Variants in PKIG observed in about 807,000 individuals in gnomAD.
The protein encoded by PKIG is protein kinase (cAMP-dependent, catalytic) inhibitor gamma.
Under a neutral mutation model 6.8 loss-of-function variants are expected in PKIG, and 1 was observed. The observed-to-expected ratio is 0.15, with a 90% CI of 0.05 to 0.69. The LOEUF (loss-of-function observed/expected upper bound fraction) is 0.69, where lower values mean the gene tolerates loss of function less well. PKIG is among the 30% of genes least tolerant of loss of function. PKIG has a pLI of 0.82. For synonymous variants in PKIG, 39 were observed against 43.0 expected (o/e 0.91, Z 0.36); for missense variants, 77 against 104.0 (o/e 0.74, Z 1.13).
rs191810560 is a variant in PKIG, at chr20:44,600,996, C to G, written c.-24+11130C>G. Among the ~76,000 whole-genome samples, 958 of 152,186 alleles carry G rather than the reference C, an allele frequency of 6.3e-3. 10 individuals are homozygous for G. Among genetic ancestry groups the G allele is most frequent in the Non-Finnish European group, 0.01 (700 of 68,008 alleles). On this transcript the variant is annotated intron_variant, in intron 2 of 3. Coordinates refer to ENST00000372886, the MANE Select transcript of PKIG (RefSeq NM_001281445.2). Reference sequence around the variant, plus strand: ...GGAAAGGATAAGAGCCCCTCGGGAGCAAACAGAAGAGACTGGCGTCCTAAC... The same window carrying G: ...GGAAAGGATAAGAGCCCCTCGGGAGGAAACAGAAGAGACTGGCGTCCTAAC...
At chr20:44,535,969 G>C (rs1404296454) in intron 1 of PKIG, among the ~76,000 whole-genome samples, 1 of 152,006 alleles carries the variant, frequency 6.6e-6, no homozygotes, top group Non-Finnish European at 1.5e-5. Context: ...CCCCATTTCC[G>C]CCTCCCCACC....
At chr20:44,584,508 C>CA (rs1203960154) in intron 1 of PKIG, among the ~76,000 whole-genome samples, 4 of 144,640 alleles carry the variant, frequency 2.8e-5, no homozygotes, top group Non-Finnish European at 6.0e-5. Flanking sequence ...AAAAAAAAAG[C>CA]AAAAGACGTC....
chr20:44,541,775 G>A (rs372163635), intron 1 of PKIG, among the ~76,000 whole-genome samples: 78 of 147,062 alleles, frequency 5.3e-4, no homozygotes, highest in Admixed American at 1.1e-3. Context: ...CTGCAGCCTC[G>A]CCTCCCAGGT....
intron 1 of PKIG, among the ~76,000 whole-genome samples, chr20:44,570,646 A>G (rs575245906): frequency 3.0e-4 from 45 of 152,352 alleles, no homozygotes; most frequent in African/African-American, 1.1e-3. Flanking sequence ...TGCAGCACCT[A>G]GGAAGAATGG....
upstream of PKIG, among the ~76,000 whole-genome samples, chr20:44,579,900 C>G (rs931955159): frequency 2.6e-5 from 4 of 152,186 alleles, no homozygotes; most frequent in Non-Finnish European, 5.9e-5. Context: ...ACTCAGTCTT[C>G]TGGAATAAAG....
chr20:44,618,369 G>C lies in PKIG; in HGVS notation c.*5G>C. The C allele has an allele frequency of 6.2e-7, 1 of 1,602,440 alleles. No homozygotes were observed. The highest frequency in any genetic ancestry group is 1.7e-5 in the Admixed American group (1 of 60,000). On this transcript the variant is annotated 3_prime_UTR_variant, in exon 4 of 4. Coordinates refer to ENST00000372886, the MANE Select transcript of PKIG (RefSeq NM_001281445.2). The stretch of plus-strand genomic sequence containing the variant: ...GATGGGACCACCTCGTCTTGAATCT[G>C]ACCTTGTCCAAGAAGGCTGGACGAG...
At chr20:44,547,922 A>G (rs1404375029) in intron 1 of PKIG, among the ~76,000 whole-genome samples, 1 of 152,032 alleles carries the variant, frequency 6.6e-6, no homozygotes, top group African/African-American at 2.4e-5. Context: ...CATGACTTGT[A>G]ATTCCAGCAC....
At chr20:44,587,907 G>A (rs1381601814) in intron 1 of PKIG, among the ~76,000 whole-genome samples, 9 of 152,188 alleles carry the variant, frequency 5.9e-5, no homozygotes, top group South Asian at 4.1e-4. Flanking sequence ...TTTCCTGGAC[G>A]TGTGTGTAGA....
chr20:44,540,971 G>A (rs959876367), intron 1 of PKIG, among the ~76,000 whole-genome samples: 1 of 152,202 alleles, frequency 6.6e-6, no homozygotes, highest in Non-Finnish European at 1.5e-5. Flanking sequence ...GTAGGGCCTC[G>A]TCAGTATTAG....
chr20:44,576,560 AGAGTAGCAAGT>A (rs2064899993), intron 1 of PKIG, among the ~76,000 whole-genome samples: 1 of 152,146 alleles, frequency 6.6e-6, no homozygotes, highest in African/African-American at 2.4e-5. Flanking sequence ...AGACCAATAG[AGAGTAGCAAGT>A]GAGAGCCTCA....
chr20:44,558,996 G>T (rs1186291745), intron 1 of PKIG, among the ~76,000 whole-genome samples: 1 of 152,166 alleles, frequency 6.6e-6, no homozygotes, highest in Non-Finnish European at 1.5e-5. Context: ...CCTAAAGAAT[G>T]ACAGGGGGCT....
chr20:44,583,522 G>A (rs1446948494), intron 1 of PKIG, among the ~76,000 whole-genome samples: 2 of 152,108 alleles, frequency 1.3e-5, no homozygotes, highest in Non-Finnish European at 2.9e-5. Flanking sequence ...TTCCTAGGTG[G>A]CTTGAGATGG....
intron 1 of PKIG, among the ~76,000 whole-genome samples, chr20:44,562,962 A>C (rs985724404): frequency 6.6e-6 from 1 of 152,092 alleles, no homozygotes; most frequent in Non-Finnish European, 1.5e-5. Flanking sequence ...AAGCAGGAGA[A>C]TCGCTTGAAC....
chr20:44,596,105 G>A (rs1160432162), intron 2 of PKIG, among the ~76,000 whole-genome samples: 1 of 152,146 alleles, frequency 6.6e-6, no homozygotes, highest in Non-Finnish European at 1.5e-5. Flanking sequence ...ATATTTCAAA[G>A]ATACAGTGAC....
intron 1 of PKIG, among the ~76,000 whole-genome samples, chr20:44,543,645 A>C (rs2064582962): frequency 6.6e-6 from 1 of 152,040 alleles, no homozygotes; most frequent in Non-Finnish European, 1.5e-5. Context: ...TTTCCCTAAG[A>C]TTTTCTTGGT....
At chr20:44,575,420 T>G (rs1400840402) in intron 1 of PKIG, among the ~76,000 whole-genome samples, 1 of 152,196 alleles carries the variant, frequency 6.6e-6, no homozygotes, top group Middle Eastern at 3.2e-3. Flanking sequence ...GGTTTTGCCA[T>G]GTTGGCCAGG....
chr20:44,553,522 A>C (rs1156715952), intron 1 of PKIG, among the ~76,000 whole-genome samples: 1 of 152,198 alleles, frequency 6.6e-6, no homozygotes, highest in Admixed American at 6.5e-5. Flanking sequence ...GAGAGGCCAG[A>C]CAGCACATTA....
upstream of PKIG, among the ~76,000 whole-genome samples, chr20:44,578,762 T>C (rs1301696970): frequency 6.6e-6 from 1 of 152,212 alleles, no homozygotes; most frequent in Non-Finnish European, 1.5e-5. Context: ...GGACTAACAC[T>C]GCGTAACAAA....
At chr20:44,613,562 T>C (rs1278390375) in intron 2 of PKIG, among the ~76,000 whole-genome samples, 2 of 152,184 alleles carry the variant, frequency 1.3e-5, no homozygotes, top group African/African-American at 2.4e-5. Context: ...TCCTTTGTTC[T>C]TCCATATGTC....
Sources: gnomAD v4.1 joint callset for allele counts (sites outside exome capture counted in the v4.1 genomes callset) on GRCh38, gnomAD v4.1.1 for gene constraint, MANE v1.5 for transcripts, NCBI Gene and HGNC (gene_info 2026-07-23, HGNC 2026-07-21) for gene names.